The following CDS1 variants were observed in gnomAD, a reference collection of about 807,000 sequenced individuals.
CDS1 encodes the protein CDP-diacylglycerol synthase 1.
Under a neutral mutation model 62.1 loss-of-function variants are expected in CDS1, and 41 were observed. The observed-to-expected ratio is 0.66, with a 90% confidence interval of 0.51 to 0.86. CDS1 has a LOEUF of 0.86. Ranked by LOEUF, CDS1 falls within the 40% of genes least tolerant of loss-of-function variation. The pLI, the probability that CDS1 is intolerant of heterozygous loss-of-function variation, is 0.00. For synonymous variants in CDS1, 185 were observed against 192.6 expected, an observed-to-expected ratio of 0.96 and a Z score of 0.32; for missense variants, 470 against 550.1, an observed-to-expected ratio of 0.85 and a Z score of 1.46.
chr4:84,604,644 C>CA (rs1723036682), intron 2 of CDS1, among the ~76,000 whole-genome samples: 1 of 152,192 alleles, frequency 6.6e-6, no homozygotes, highest in African/African-American at 2.4e-5. Context: ...CTTGGGCTGT[C>CA]AGATTCTGAA....
chr4:84,628,919 G>A (rs1459763119), intron 5 of CDS1, among the ~76,000 whole-genome samples: 1 of 151,982 alleles, frequency 6.6e-6, no homozygotes, highest in African/African-American at 2.4e-5. Flanking sequence ...TTGATGCTGG[G>A]CAACGAGATG....
chr4:84,624,128 G>GA lies in CDS1; in HGVS notation c.580+4595_580+4596insA, dbSNP rs567585677. Among the ~76,000 whole-genome samples the GA allele has an allele frequency of 1.0e-3, 155 of 151,858 alleles. 2 individuals are homozygous for GA. In the East Asian group the frequency reaches 0.022, roughly 21 times the overall value. On this transcript the variant is annotated intron_variant, in intron 5 of 12. Transcript: ENST00000295887. ...CTACTAAAAATACAAAAAAAAATTA[G>GA]CTGGGCGTGGTGGTGGGCGCCTATA...
In CDS1 at chr4:84,583,145, T is replaced by C. The variant is rs1030334818; in HGVS notation, c.-257T>C. ...CGTCTCCGCCTTCTCTGCTCGCGCCTGGCGCCCGGAGCCTGCCCGGGACCT... is the reference window on the plus strand; with the variant it reads ...CGTCTCCGCCTTCTCTGCTCGCGCCCGGCGCCCGGAGCCTGCCCGGGACCT... On this transcript the variant is annotated 5_prime_UTR_variant, in exon 1 of 13. Transcript: ENST00000295887. The C allele has an allele frequency of 1.5e-4, 65 of 421,906 alleles. No homozygotes were observed. Among genetic ancestry groups the C allele is most frequent in the Non-Finnish European group, 1.7e-4 (41 of 236,720 alleles). 26.1% of individuals were successfully genotyped at this position (421,906 alleles called of 1,614,324 possible).
rs111667864 is a variant in CDS1 at position 84,594,360 on chromosome 4, T to C, written c.118-9883T>C. 1.2e-3 allele frequency among the ~76,000 whole-genome samples: 189 copies of C among 152,298 alleles called. 1 individual carries two copies. The highest frequency in any genetic ancestry group is 4.3e-3 in the African/African-American group (179 of 41,568). ...ATGGTGAATAAAGGCTGTCTTGTTA[T>C]GCGGATAGTCTCTCAGGTAATGAAA... On this transcript the variant is annotated intron_variant, in intron 1 of 12. Transcript: ENST00000295887.
At chr4:84,624,037 C>T (rs144322036) in intron 5 of CDS1, among the ~76,000 whole-genome samples, 1,598 of 151,830 alleles carry the variant, frequency 0.011, 11 homozygotes, top group Non-Finnish European at 0.017. Context: ...TTTGAGAGGC[C>T]GAGGCAGGCG....
chr4:84,636,455 A>T (rs539014638), intron 8 of CDS1, among the ~76,000 whole-genome samples: 322 of 152,286 alleles, frequency 2.1e-3, no homozygotes, highest in African/African-American at 7.3e-3. Flanking sequence ...AAATAAACTA[A>T]TTCTTCATGG....
intron 5 of CDS1, among the ~76,000 whole-genome samples, chr4:84,624,161 C>A (rs957737761): frequency 2.0e-5 from 3 of 151,262 alleles, no homozygotes; most frequent in Admixed American, 2.0e-4. Context: ...ATAGTCCCAG[C>A]TACTTGGGAG....
At chr4:84,599,405 C>CATATGTATAT (rs1553902445) in intron 1 of CDS1, among the ~76,000 whole-genome samples, 19 of 24,694 alleles carry the variant, frequency 7.7e-4, no homozygotes, top group African/African-American at 2.3e-3. Context: ...CACACACACA[C>CATATGTATAT]ATATATATAT....
intron 1 of CDS1, among the ~76,000 whole-genome samples, chr4:84,586,544 C>A (rs561567017): frequency 1.3e-5 from 2 of 152,088 alleles, no homozygotes; most frequent in Non-Finnish European, 2.9e-5. Flanking sequence ...AGGCAGCGCT[C>A]GGTGGTAATG....
intron 11 of CDS1, 73 bp from the exon 12 acceptor site, chr4:84,645,147 CAA>C: frequency 1.1e-6 from 1 of 948,094 alleles, no homozygotes; most frequent in East Asian, 2.4e-5. Context: ...TCCATGACGC[CAA>C]AGAGACACAG....
rs1030560040 is a variant in CDS1, at chr4:84,650,361, G to A, written c.*1675G>A. 1.2e-4 allele frequency: 19 copies of A among 152,116 alleles called. No individual in the cohort carries two copies. Among genetic ancestry groups the A allele is most frequent in the African/African-American group, 4.6e-4 (19 of 41,414 alleles). 9.4% of individuals were successfully genotyped at this position (152,116 alleles called of 1,614,324 possible). On this transcript the variant is annotated 3_prime_UTR_variant, in exon 13 of 13. Coordinates refer to ENST00000295887, the MANE Select transcript of CDS1 (RefSeq NM_001263.4). Reference sequence around the variant, plus strand: ...CAAATCTAAAATTGATACTGGAAATGTTATTATAGGAGGCAGTGATCGCAT... The same window carrying A: ...CAAATCTAAAATTGATACTGGAAATATTATTATAGGAGGCAGTGATCGCAT...
chr4:84,642,646 A>AG, intron 10 of CDS1, among the ~76,000 whole-genome samples: 2 of 152,176 alleles, frequency 1.3e-5, no homozygotes, highest in Non-Finnish European at 2.9e-5. Flanking sequence ...GTGAAATAAA[A>AG]TACAATATTA....
chr4:84,614,572 A>G (rs1458768760), intron 3 of CDS1, among the ~76,000 whole-genome samples: 2 of 152,198 alleles, frequency 1.3e-5, no homozygotes, highest in South Asian at 4.1e-4. Context: ...CACTTATTTG[A>G]ATAACCCATA....
chr4:84,623,929 G>A (rs1407599304), intron 5 of CDS1, among the ~76,000 whole-genome samples: 1 of 152,002 alleles, frequency 6.6e-6, no homozygotes, highest in Non-Finnish European at 1.5e-5. Flanking sequence ...AGGCAGCCCG[G>A]GTTCTGAATG....
At position 84,583,410 on chromosome 4, in the gene CDS1, G is replaced by C; in HGVS notation, c.9G>C (p.Glu3Asp). ...CAGCGCGGGAGCGGAAGATGTTGGA[G>C]CTGAGGCACCGGGGAAGCTGCCCCG... MLELRHRGSCPGP... is the reference protein window; with the variant it reads MLDLRHRGSCPGP... Residue 3 changes from glutamate (E) to aspartate (D), a missense_variant, in exon 1 of 13, where the codon GAG (glutamate) becomes GAC (aspartate). By Grantham distance (45) the Glu-to-Asp change is conservative (BLOSUM62 2). Coordinates refer to ENST00000295887, the MANE Select transcript of CDS1 (RefSeq NM_001263.4). The C allele has an allele frequency of 6.2e-7, 1 of 1,601,692 alleles. No homozygotes were observed. The highest frequency in any genetic ancestry group is 1.1e-5 in the South Asian group (1 of 90,406).
intron 1 of CDS1, among the ~76,000 whole-genome samples, chr4:84,590,059 C>T (rs1358218394): frequency 2.0e-5 from 3 of 152,198 alleles, no homozygotes; most frequent in Non-Finnish European, 4.4e-5. Context: ...GATCTGCCCG[C>T]CTTGGCCTCC....
intron 5 of CDS1, among the ~76,000 whole-genome samples, chr4:84,630,800 A>T (rs938938931): frequency 6.6e-5 from 10 of 151,976 alleles, no homozygotes; most frequent in African/African-American, 1.7e-4. Flanking sequence ...GCGACACTTG[A>T]CTCAAAAAAG....
At chr4:84,604,507 G>A (rs1723032796) in intron 2 of CDS1, 137 bp downstream of exon 2, 2 of 727,244 alleles carry the variant, frequency 2.8e-6, no homozygotes, top group Admixed American at 2.5e-5. Context: ...CCTAATATCC[G>A]AGGTATAGTT....
intron 1 of CDS1, among the ~76,000 whole-genome samples, chr4:84,599,503 A>G (rs1722869834): frequency 6.9e-6 from 1 of 145,374 alleles, no homozygotes. Context: ...TATCACCACT[A>G]AAAGTTTGCC....
Sources: gnomAD v4.1 joint callset for allele counts (sites outside exome capture counted in the v4.1 genomes callset) on GRCh38, gnomAD v4.1.1 for gene constraint, MANE v1.5 for transcripts, NCBI Gene and HGNC (gene_info 2026-07-23, HGNC 2026-07-21) for gene names.